DIPK1C: variants seen among roughly 807,000 people sequenced by gnomAD.
DIPK1C encodes the protein divergent protein kinase domain 1C, also known as familial non-conventional Alzheimer's dementia.
A neutral mutation model predicts 28.0 loss-of-function variants in DIPK1C; 33 were observed. That is an observed-to-expected ratio of 1.18 (90% CI 0.89 to 1.58). The LOEUF is 1.58. DIPK1C is among the 40% of genes most tolerant of loss of function. The probability of loss-of-function intolerance (pLI) is 0.00; values close to 1 mark genes in which losing one functional copy is unlikely to be tolerated. For missense variants in DIPK1C, 569 were observed against 568.5 expected, an observed-to-expected ratio of 1.00 and a Z score of -0.01; for synonymous variants, 255 against 248.8, an observed-to-expected ratio of 1.02 and a Z score of -0.23.
At position 74,457,106 on chromosome 18, in the gene DIPK1C, C is replaced by G. The variant is rs1339739577; in HGVS notation, c.154G>C (p.Glu52Gln). 5 of 1,467,510 alleles carry G rather than the reference C, an allele frequency of 3.4e-6. No individual in the cohort carries two copies. In the Admixed American group the frequency reaches 7.5e-5, roughly 22 times the overall value. The allele number at this position is 1,467,510 out of a possible 1,614,324, so 90.9% of individuals were successfully genotyped here. ...CGGCTCTTCTCGTCGGTGCAGCGCT[C>G]GGAGAGGACACCCGGGTGCGCGCGG... ...LLRAHPGVLS[E>Q]RCTDEKSRRI... Residue 52 changes from glutamate to glutamine, a missense_variant, in exon 1 of 4, where the codon GAG becomes CAG. Coordinates refer to ENST00000343998, the MANE Select transcript of DIPK1C (RefSeq NM_001044369.3).
At chr18:74,452,303 A>C (rs1475882320) in intron 1 of DIPK1C, among the ~76,000 whole-genome samples, 2 of 152,126 alleles carry the variant, frequency 1.3e-5, no homozygotes, top group Non-Finnish European at 2.9e-5. Context: ...GTAGAGTGCA[A>C]AATTCGTCTC....
intron 2 of DIPK1C, among the ~76,000 whole-genome samples, chr18:74,445,199 C>T (rs1441829972): frequency 1.3e-5 from 2 of 152,186 alleles, no homozygotes; most frequent in East Asian, 1.9e-4. Flanking sequence ...TCCCCAAGGC[C>T]TTAGTGTGGC....
chr18:74,436,424 C>T lies in DIPK1C; in HGVS notation c.*77G>A, dbSNP rs780564232. On this transcript the variant is annotated 3_prime_UTR_variant, in exon 4 of 4. Transcript: ENST00000343998. ...CCCAGAGAGCACAGGGGAAATGGCT[C>T]ATCTTTAAAACAATGGCAGAAGAAA... 6.9e-5 allele frequency: 96 copies of T among 1,383,246 alleles called. No homozygotes were observed. Among genetic ancestry groups the T allele is most frequent in the Non-Finnish European group, 8.9e-5 (91 of 1,025,322 alleles). 85.7% of individuals were successfully genotyped at this position (1,383,246 alleles called of 1,614,324 possible). A position where few individuals can be genotyped will look rare whatever the true frequency, so the allele number is the denominator to read the frequency against.
rs1455251534 is a variant in DIPK1C at position 74,441,923 on chromosome 18, C to G, written c.1041+29G>C. On this transcript the variant is annotated intron_variant, in intron 3 of 3. Coordinates refer to ENST00000343998, the MANE Select transcript of DIPK1C (RefSeq NM_001044369.3). ...CAGAAACAGCCAAAGAGCACCCTCTCCTCCCCCAGCCCTGGCGGACTCTCA... is the reference window on the plus strand; with the variant it reads ...CAGAAACAGCCAAAGAGCACCCTCTGCTCCCCCAGCCCTGGCGGACTCTCA... 6.2e-6 allele frequency: 10 copies of G among 1,603,416 alleles called. No individual in the cohort carries two copies. The African/African-American group carries it at 1.2e-4, about 19-fold the overall frequency.
rs2144507119 is a variant in DIPK1C, at chr18:74,435,579, C to T, written c.*922G>A. 6.6e-6 allele frequency: 1 copy of T among 152,306 alleles called. No individual in the cohort carries two copies. The highest frequency in any genetic ancestry group is 2.1e-4 in the South Asian group (1 of 4,822). The allele number at this position is 152,306 out of a possible 1,614,324, so 9.4% of individuals were successfully genotyped here. A position where few individuals can be genotyped will look rare whatever the true frequency, so the allele number is the denominator to read the frequency against. On this transcript the variant is annotated 3_prime_UTR_variant, in exon 4 of 4. Transcript: ENST00000343998. ...AAGGTGAAGACAATGCTGCATCAAGCCAACCTACAAGTCCCTGCCCAGGGG... is the reference window on the plus strand; with the variant it reads ...AAGGTGAAGACAATGCTGCATCAAGTCAACCTACAAGTCCCTGCCCAGGGG...
intron 3 of DIPK1C, among the ~76,000 whole-genome samples, chr18:74,438,394 A>G (rs776638695): frequency 7.9e-5 from 12 of 152,222 alleles, no homozygotes; most frequent in Non-Finnish European, 1.5e-4. Context: ...CTACATTTCT[A>G]GAAATAGGAT....
rs1040098445 is a variant in DIPK1C, at chr18:74,447,373, C to T, written c.199-90G>A. 6 of 1,282,544 alleles carry T rather than the reference C, an allele frequency of 4.7e-6. No homozygotes were observed. Among genetic ancestry groups the T allele is most frequent in the Non-Finnish European group, 6.3e-6 (6 of 956,988 alleles). 79.4% of individuals were successfully genotyped at this position (1,282,544 alleles called of 1,614,324 possible). ...GTTAGGGAAGGGGACAGCCTAGCCT[C>T]TGCCCTCAGGACGCTGATAATCCAG... On this transcript the variant is annotated intron_variant, in intron 1 of 3. Transcript: ENST00000343998. The surrounding 1 kb of genome is among the most constrained non-coding windows in gnomAD (Gnocchi z 4.1).
chr18:74,458,871 C>G (rs765653487), upstream of DIPK1C, among the ~76,000 whole-genome samples: 5 of 151,100 alleles, frequency 3.3e-5, no homozygotes, highest in Admixed American at 6.6e-5. Context: ...CTCATGCCTG[C>G]AATCCCAGTG....
rs11350643 is a variant in DIPK1C, at chr18:74,439,944, CTTT to C, written c.1041+2005_1041+2007del. Among the ~76,000 whole-genome samples, 104 of 129,608 alleles carry C rather than the reference CTTT, an allele frequency of 8.0e-4. No homozygotes were observed. The East Asian group carries it at 0.019, about 24-fold the overall frequency. The allele number at this position is 129,608 out of a possible 152,430, so 85.0% of individuals were successfully genotyped here. ...ATTTTGGTATATAAGGGATCGTATACTTTTTTTTTTTTTTTTTTGAGACGGAGT... is the reference window on the plus strand; with the variant it reads ...ATTTTGGTATATAAGGGATCGTATACTTTTTTTTTTTTTTTGAGACGGAGT... On this transcript the variant is annotated intron_variant, in intron 3 of 3. Transcript: ENST00000343998.
intron 3 of DIPK1C, among the ~76,000 whole-genome samples, chr18:74,438,129 C>A (rs998391649): frequency 6.6e-6 from 1 of 152,180 alleles, no homozygotes; most frequent in African/African-American, 2.4e-5. Context: ...AGGGCTCAAG[C>A]GATTCACCTG....
intron 1 of DIPK1C, among the ~76,000 whole-genome samples, chr18:74,451,460 G>A (rs765232248): frequency 6.6e-6 from 1 of 151,954 alleles, no homozygotes; most frequent in African/African-American, 2.4e-5. Context: ...ACTGGGCCAG[G>A]TCCCCACAGC....
chr18:74,460,020 T>C (rs544273682), upstream of DIPK1C, among the ~76,000 whole-genome samples: 563 of 152,292 alleles, frequency 3.7e-3, 1 homozygote, highest in Non-Finnish European at 6.6e-3. Context: ...TCTCAGGCTT[T>C]TTCTGAACAG....
chr18:74,459,498 G>A (rs1599045165), upstream of DIPK1C, among the ~76,000 whole-genome samples: 3 of 152,320 alleles, frequency 2.0e-5, no homozygotes, highest in African/African-American at 7.2e-5. Context: ...TGATACCACA[G>A]GAAGTTTTGT....
intron 2 of DIPK1C, 132 bp downstream of exon 2, chr18:74,446,474 G>A: frequency 6.2e-6 from 5 of 811,846 alleles, no homozygotes; most frequent in Middle Eastern, 2.4e-4. Flanking sequence ...GTAGGTGGGA[G>A]TTCTCTAAGG....
intron 3 of DIPK1C, among the ~76,000 whole-genome samples, 163 bp downstream of exon 3, chr18:74,441,789 C>G (rs998981551): frequency 6.6e-6 from 1 of 152,086 alleles, no homozygotes; most frequent in African/African-American, 2.4e-5. Flanking sequence ...ACCAAGAGCA[C>G]GATTGTCCCA....
At chr18:74,446,506 G>C (rs2144521064) in intron 2 of DIPK1C, 100 bp downstream of exon 2, 1 of 1,198,444 alleles carries the variant, frequency 8.3e-7, no homozygotes, top group Non-Finnish European at 1.1e-6. Context: ...ACAGTAGTTT[G>C]CTAACTCAGG....
intron 2 of DIPK1C, among the ~76,000 whole-genome samples, chr18:74,442,429 C>T (rs988751429): frequency 5.3e-5 from 8 of 152,252 alleles, no homozygotes; most frequent in Non-Finnish European, 7.4e-5. Context: ...TCCGGGTTCA[C>T]GCCATTCTCC....
chr18:74,442,391 C>T (rs887459893), intron 2 of DIPK1C, among the ~76,000 whole-genome samples: 4 of 152,058 alleles, frequency 2.6e-5, no homozygotes, highest in South Asian at 4.1e-4. Flanking sequence ...TGCAGTGGCG[C>T]GATCTGGGCT....
chr18:74,437,440 T>A (rs944978456), intron 3 of DIPK1C, among the ~76,000 whole-genome samples: 6 of 152,152 alleles, frequency 3.9e-5, no homozygotes, highest in African/African-American at 1.4e-4. Context: ...CCTGTAAACA[T>A]GTTGTTTGTT....
Sources: gnomAD v4.1 joint callset for allele counts (sites outside exome capture counted in the v4.1 genomes callset) on GRCh38, gnomAD v4.1.1 for gene constraint, Gnocchi (gnomAD v3.1) non-coding constraint, MANE v1.5 for transcripts, NCBI Gene and HGNC (gene_info 2026-07-23, HGNC 2026-07-21) for gene names.